The following SEMA4B variants were observed in gnomAD, a reference collection of about 807,000 sequenced individuals.
SEMA4B encodes the protein semaphorin 4B.
Under a neutral mutation model 88.1 loss-of-function variants are expected in SEMA4B, and 55 were observed. The observed-to-expected ratio is 0.62, with a 90% confidence interval of 0.50 to 0.78. The LOEUF is 0.78. Among genes scored for constraint, SEMA4B ranks in the 30% least tolerant of loss-of-function variants. SEMA4B has a pLI of 0.00. For synonymous variants in SEMA4B, 525 were observed against 473.6 expected (o/e 1.11, Z -1.41); for missense variants, 1,062 against 1,111.9 (o/e 0.96, Z 0.64).
At chr15:90,195,520 G>A (rs1190966188) in intron 1 of SEMA4B, among the ~76,000 whole-genome samples, 4 of 152,196 alleles carry the variant, frequency 2.6e-5, no homozygotes, top group Non-Finnish European at 5.9e-5. Context: ...TACTCATGCT[G>A]GATGGGTCTG....
chr15:90,221,980 C>T (rs74625944), intron 7 of SEMA4B, among the ~76,000 whole-genome samples: 4,083 of 151,404 alleles, frequency 0.027, 171 homozygotes, highest in African/African-American at 0.088. Flanking sequence ...TGCTCTGTCA[C>T]CCAGGCTGGA....
In SEMA4B at chr15:90,206,884, T is replaced by C. The variant is rs1399191333; in HGVS notation, c.157+5149T>C. 6 of 710,910 alleles carry C rather than the reference T, an allele frequency of 8.4e-6. No homozygotes were observed. In the East Asian group the frequency reaches 1.6e-4, roughly 19 times the overall value. 44.0% of individuals were successfully genotyped at this position (710,910 alleles called of 1,614,324 possible). On this transcript the variant is annotated intron_variant, in intron 1 of 13. Coordinates refer to ENST00000411539, the MANE Select transcript of SEMA4B (RefSeq NM_198925.4). Reference sequence around the variant, plus strand: ...GGGGAAACCCCGTAAAGTGGTTGGTTGCAGTTGTATAGTAGTTAAGGACTA... The same window carrying C: ...GGGGAAACCCCGTAAAGTGGTTGGTCGCAGTTGTATAGTAGTTAAGGACTA...
intron 1 of SEMA4B, among the ~76,000 whole-genome samples, chr15:90,187,466 C>G (rs1259270778): frequency 6.6e-6 from 1 of 152,150 alleles, no homozygotes; most frequent in Admixed American, 6.5e-5. Context: ...GGCCTTGTCC[C>G]TGCATTCAAG....
chr15:90,209,572 A>G (rs1961158436), intron 1 of SEMA4B, among the ~76,000 whole-genome samples: 1 of 152,172 alleles, frequency 6.6e-6, no homozygotes, highest in Non-Finnish European at 1.5e-5. Context: ...TGTCTTAAAA[A>G]AAAAAGAGAG....
intron 1 of SEMA4B, among the ~76,000 whole-genome samples, chr15:90,206,316 G>T (rs1370274769): frequency 6.6e-6 from 1 of 152,166 alleles, no homozygotes; most frequent in African/African-American, 2.4e-5. Flanking sequence ...GTCGAGGCCT[G>T]CCTTCCCTCA....
At chr15:90,202,757 A>G (rs1015741717) in intron 1 of SEMA4B, among the ~76,000 whole-genome samples, 2 of 152,226 alleles carry the variant, frequency 1.3e-5, no homozygotes, top group Non-Finnish European at 2.9e-5. Flanking sequence ...GTCATATTGT[A>G]TGACTTGGAA....
At chr15:90,221,797 C>T (rs1174220804) in intron 7 of SEMA4B, 32 bp downstream of exon 7, 19 of 1,605,668 alleles carry the variant, frequency 1.2e-5, no homozygotes, top group Non-Finnish European at 1.5e-5. Flanking sequence ...GGTGGCCACC[C>T]CAGGGACCTC....
chr15:90,222,278 A>G (rs1395519011), intron 7 of SEMA4B, among the ~76,000 whole-genome samples: 1 of 144,282 alleles, frequency 6.9e-6, no homozygotes, highest in African/African-American at 2.6e-5. Context: ...TACTTAAAAA[A>G]TGTGAAAATA....
At chr15:90,222,249 C>CTT (rs766999023) in intron 7 of SEMA4B, among the ~76,000 whole-genome samples, 3,163 of 104,336 alleles carry the variant, frequency 0.03, 51 homozygotes, top group African/African-American at 0.067. Flanking sequence ...CATTTTTTTT[C>CTT]TTTTCTTTTT....
Position 90,217,849 on chromosome 15 carries a change from GGA to G in SEMA4B, c.384+22_384+23del. 1.2e-6 allele frequency: 2 copies of G among 1,604,864 alleles called. No individual in the cohort carries two copies. The highest frequency in any genetic ancestry group is 1.7e-6 in the Non-Finnish European group (2 of 1,174,588). ...CCACAGGTGAGCCCACACCTGGAAG[GGA>G]GCTGAGCTGCAGGAGGGATGGAGGG... On this transcript the variant is annotated intron_variant, in intron 3 of 13. Coordinates refer to ENST00000411539, the MANE Select transcript of SEMA4B (RefSeq NM_198925.4).
rs2151619495 is a variant in SEMA4B, at chr15:90,220,996, C to T, written c.498C>T (p.Phe166=). Reference sequence around the variant, plus strand: ...CCCTCCTGCAGAACATGGAGAACTTCACCCTGGCAAGGGACGAGAAGGGGA... The same window carrying T: ...CCCTCCTGCAGAACATGGAGAACTTTACCCTGGCAAGGGACGAGAAGGGGA... ...PMCTYINMEN[F]TLARDEKGNV... is the part of the protein sequence containing the mutation. Residue 166 remains phenylalanine (F), a synonymous_variant, in exon 5 of 14, where the codon TTC becomes TTT. Coordinates refer to ENST00000411539, the MANE Select transcript of SEMA4B (RefSeq NM_198925.4). 5 of 1,607,924 alleles carry T rather than the reference C, an allele frequency of 3.1e-6. No individual in the cohort carries two copies. Among genetic ancestry groups the T allele is most frequent in the Non-Finnish European group, 4.2e-6 (5 of 1,177,160 alleles).
Position 90,221,027 on chromosome 15 carries a change from C to T in SEMA4B, c.529C>T (p.Leu177Phe), listed in dbSNP as rs1242614611. ...TLARDEKGNV[L>F]LEDGKGRCPF... ...GGCAAGGGACGAGAAGGGGAATGTCCTCCTGGAAGATGGCAAGGGCCGTTG... is the reference window on the plus strand; with the variant it reads ...GGCAAGGGACGAGAAGGGGAATGTCTTCCTGGAAGATGGCAAGGGCCGTTG... The change falls in exon 5 of 14, where the codon CTC becomes TTC. Residue 177 changes from leucine (L) to phenylalanine (F), a missense_variant. By Grantham distance (22) the Leu-to-Phe change is conservative (BLOSUM62 0). Coordinates refer to ENST00000411539, the MANE Select transcript of SEMA4B (RefSeq NM_198925.4). The T allele has an allele frequency of 6.2e-7, 1 of 1,611,328 alleles. No individual in the cohort carries two copies. The highest frequency in any genetic ancestry group is 1.7e-5 in the Admixed American group (1 of 59,682).
At chr15:90,196,570 T>C (rs1356443020), upstream of SEMA4B, among the ~76,000 whole-genome samples, 1 of 152,164 alleles carries the variant, frequency 6.6e-6, no homozygotes, top group Non-Finnish European at 1.5e-5. Context: ...CACTGCAACC[T>C]CCGCCTCTTG....
intron 1 of SEMA4B, among the ~76,000 whole-genome samples, chr15:90,211,916 C>G (rs1025798409): frequency 6.6e-6 from 1 of 152,100 alleles, no homozygotes; most frequent in South Asian, 2.1e-4. Flanking sequence ...GTCTTGCTGC[C>G]GTGCCCGGAG....
In SEMA4B at chr15:90,228,249, G is replaced by T; in HGVS notation, c.2120G>T (p.Ser707Ile). 6.3e-7 allele frequency: 1 copy of T among 1,598,310 alleles called. No homozygotes were observed. Among genetic ancestry groups the T allele is most frequent in the South Asian group, 1.1e-5 (1 of 87,940 alleles). ...RVSAPAGGKA[S>I]WGADRSYWKE... ...AGTGCACCAGCTGGTGGCAAGGCCA[G>T]CTGGGGTGCAGACAGGTCCTACTGG... Residue 707 changes from serine (S) to isoleucine (I), a missense_variant, in exon 14 of 14, where the codon AGC becomes ATC. Transcript: ENST00000411539.
rs755519316 is a variant in SEMA4B at position 90,217,785 on chromosome 15, G to A, written c.340G>A (p.Ala114Thr). 5 of 1,613,510 alleles carry A rather than the reference G, an allele frequency of 3.1e-6. No homozygotes were observed. The highest frequency in any genetic ancestry group is 1.7e-5 in the Admixed American group (1 of 59,950). The change falls in exon 3 of 14, where the codon GCA becomes ACA. Residue 114 changes from alanine (A) to threonine (T), a missense_variant. Transcript: ENST00000411539. ...TCCCCAGCTGCTTTGGGGTGCAGACGCAGAGAAGAAACAGCAGTGCAGCTT... is the reference window on the plus strand; with the variant it reads ...TCCCCAGCTGCTTTGGGGTGCAGACACAGAGAAGAAACAGCAGTGCAGCTT... ...EYQELLWGAD[A>T]EKKQQCSFKG...
chr15:90,213,525 T>C (rs1477272168), intron 1 of SEMA4B, among the ~76,000 whole-genome samples: 1 of 152,124 alleles, frequency 6.6e-6, no homozygotes, highest in African/African-American at 2.4e-5. Flanking sequence ...GACTGGCTGG[T>C]CTATAGGTTT....
At chr15:90,223,473 TG>T in intron 7 of SEMA4B, 85 bp from the exon 8 acceptor site, 2 of 1,231,542 alleles carry the variant, frequency 1.6e-6, no homozygotes, top group Non-Finnish European at 2.2e-6. Flanking sequence ...GTGTCTGGGG[TG>T]GGTCCATTGA....
At position 90,201,585 on chromosome 15, in the gene SEMA4B, C is replaced by A. The variant is rs1960730640; in HGVS notation, c.7C>A (p.Arg3Ser). 6.7e-7 allele frequency: 1 copy of A among 1,499,520 alleles called. No homozygotes were observed. Among genetic ancestry groups the A allele is most frequent in the Non-Finnish European group, 8.8e-7 (1 of 1,131,660 alleles). The allele number at this position is 1,499,520 out of a possible 1,614,324, so 92.9% of individuals were successfully genotyped here. ML[R>S]TAMGLRSWLA... ...CGTCGCTCCTGCTCTCCGAATGCTG[C>A]GCACCGCGATGGGCCTGAGGAGCTG... The change falls in exon 1 of 14, where the codon CGC becomes AGC. Residue 3 changes from arginine (R) to serine (S), a missense_variant. Physicochemically the swap from Arg to Ser is moderately radical, Grantham distance 110. Transcript: ENST00000411539.
Sources: allele counts gnomAD v4.1 joint callset (sites outside exome capture counted in the v4.1 genomes callset), GRCh38; gene constraint gnomAD v4.1.1; transcripts MANE v1.5; gene names NCBI Gene and HGNC (gene_info 2026-07-23, HGNC 2026-07-21).